Variants in RAPGEF2 observed in about 807,000 individuals in gnomAD.
RAPGEF2 encodes PDZ domain containing guanine nucleotide exchange factor (GEF) 1.
Under a neutral mutation model 186.7 loss-of-function variants are expected in RAPGEF2, and 54 were observed. That is an observed-to-expected ratio of 0.29 (90% CI 0.23 to 0.36). RAPGEF2 has a LOEUF of 0.36. Among genes scored for constraint, RAPGEF2 ranks in the 10% least tolerant of loss-of-function variants. RAPGEF2 has a pLI of 1.00. For synonymous variants in RAPGEF2, 712 were observed against 705.9 expected (o/e 1.01, Z -0.14); for missense variants, 1,532 against 2,045.0 (o/e 0.75, Z 4.84).
intron 26 of RAPGEF2, chr4:159,351,228 C>T (rs1731130664): frequency 6.7e-7 from 1 of 1,486,978 alleles, no homozygotes; most frequent in Non-Finnish European, 9.0e-7. Context: ...GAGGAATCAT[C>T]TCATTAGTTA....
intron 1 of RAPGEF2, among the ~76,000 whole-genome samples, chr4:159,116,317 A>G (rs996905653): frequency 1.3e-5 from 2 of 152,236 alleles, no homozygotes; most frequent in Non-Finnish European, 2.9e-5. Flanking sequence ...ATTGCAGCCA[A>G]CAAACATGGA....
At chr4:159,159,973 A>G (rs1436205256) in intron 1 of RAPGEF2, among the ~76,000 whole-genome samples, 1 of 152,228 alleles carries the variant, frequency 6.6e-6, no homozygotes, top group African/African-American at 2.4e-5. Flanking sequence ...ATTCATCTAT[A>G]TGGAAAAAAA....
intron 9 of RAPGEF2, among the ~76,000 whole-genome samples, chr4:159,319,176 G>A (rs1323969679): frequency 5.3e-5 from 8 of 152,060 alleles, no homozygotes; most frequent in Non-Finnish European, 2.9e-5. Flanking sequence ...CCACCCCTGG[G>A]CCACAGACTG....
At chr4:159,322,592 G>C (rs1276782916) in intron 10 of RAPGEF2, 109 bp downstream of exon 10, 1 of 845,596 alleles carries the variant, frequency 1.2e-6, no homozygotes. Context: ...CCCAACAACA[G>C]TAAGTTTGAA....
chr4:159,253,734 C>T (rs1561153393), intron 7 of RAPGEF2, among the ~76,000 whole-genome samples: 1 of 151,862 alleles, frequency 6.6e-6, no homozygotes, highest in South Asian at 2.1e-4. Context: ...TTTGGGAGGC[C>T]GAGGCGGGCG....
At chr4:159,142,594 A>G (rs1298342708) in intron 1 of RAPGEF2, among the ~76,000 whole-genome samples, 1 of 152,074 alleles carries the variant, frequency 6.6e-6, no homozygotes, top group Admixed American at 6.5e-5. Context: ...ATATATAAAA[A>G]TAAAAATACA....
chr4:159,241,902 GATTT>G (rs1754055408), intron 6 of RAPGEF2, among the ~76,000 whole-genome samples: 1 of 151,960 alleles, frequency 6.6e-6, no homozygotes, highest in Non-Finnish European at 1.5e-5. Flanking sequence ...ATATCTCTGA[GATTT>G]ATTTTTTAAT....
At position 159,350,304 on chromosome 4, in the gene RAPGEF2, CT is replaced by C; in HGVS notation, c.3865+20del. The C allele has an allele frequency of 6.5e-7, 1 of 1,529,900 alleles. No individual in the cohort carries two copies. The highest frequency in any genetic ancestry group is 8.8e-7 in the Non-Finnish European group (1 of 1,139,828). 94.8% of individuals were successfully genotyped at this position (1,529,900 alleles called of 1,614,324 possible). A position where few individuals can be genotyped will look rare whatever the true frequency, so the allele number is the denominator to read the frequency against. The stretch of plus-strand genomic sequence containing the variant: ...TCCAAGGAAAGGTAGAATTAAATTA[CT>C]TTTTGTTTTCTTGTATTGAAACCTA... On this transcript the variant is annotated intron_variant, in intron 26 of 29. Transcript: ENST00000691494.
intron 1 of RAPGEF2, among the ~76,000 whole-genome samples, chr4:159,146,872 CTG>C (rs1438981258): frequency 6.6e-6 from 1 of 152,208 alleles, no homozygotes; most frequent in Non-Finnish European, 1.5e-5. Flanking sequence ...CTCATACTGT[CTG>C]TAATATCTTT....
rs540388203 is a variant in RAPGEF2, at chr4:159,329,802, T to A, written c.1150-56T>A. 9 of 1,443,020 alleles carry A rather than the reference T, an allele frequency of 6.2e-6. No individual in the cohort carries two copies. In the Admixed American group the frequency reaches 7.6e-5, roughly 12 times the overall value. 89.4% of individuals were successfully genotyped at this position (1,443,020 alleles called of 1,614,324 possible). On this transcript the variant is annotated intron_variant, in intron 11 of 29. Transcript: ENST00000691494. ...AATTAAAACACTGAATTATTAGTAC[T>A]GCTAGGTCTTTTGCAAGCACTTTAT...
intron 4 of RAPGEF2, among the ~76,000 whole-genome samples, chr4:159,226,865 A>G (rs970460149): frequency 6.6e-6 from 1 of 152,246 alleles, no homozygotes; most frequent in Non-Finnish European, 1.5e-5. Flanking sequence ...TGGGCTCATG[A>G]GAAAAGTCCA....
intron 1 of RAPGEF2, among the ~76,000 whole-genome samples, chr4:159,109,921 G>C (rs1738309256): frequency 6.6e-6 from 1 of 152,122 alleles, no homozygotes; most frequent in Non-Finnish European, 1.5e-5. Flanking sequence ...GGTTTGTGAG[G>C]GTAGTGAGGA....
At chr4:159,314,502 T>A in intron 8 of RAPGEF2, 89 bp from the exon 9 acceptor site, 2 of 1,183,628 alleles carry the variant, frequency 1.7e-6, no homozygotes, top group South Asian at 3.7e-5. Flanking sequence ...TAACAAGCAT[T>A]ATTTTGAATG....
At chr4:159,221,709 A>C (rs933784228) in intron 4 of RAPGEF2, among the ~76,000 whole-genome samples, 1 of 152,206 alleles carries the variant, frequency 6.6e-6, no homozygotes, top group African/African-American at 2.4e-5. Context: ...TGGCTTAGCC[A>C]CGCTCCTTTA....
At chr4:159,286,595 GTTC>G (rs1295817135) in intron 7 of RAPGEF2, among the ~76,000 whole-genome samples, 2 of 152,162 alleles carry the variant, frequency 1.3e-5, no homozygotes, top group Non-Finnish European at 1.5e-5. Context: ...AGCCCCACTT[GTTC>G]TTCTTACCTC....
At chr4:159,327,658 A>AC (rs1766109517) in intron 11 of RAPGEF2, 2 of 152,042 alleles carry the variant, frequency 1.3e-5, no homozygotes, top group African/African-American at 4.8e-5. Flanking sequence ...TTCTCTCAAA[A>AC]AAAAAAAAAA....
chr4:159,112,052 T>A (rs931376274), intron 1 of RAPGEF2, among the ~76,000 whole-genome samples: 2 of 152,200 alleles, frequency 1.3e-5, no homozygotes, highest in Admixed American at 1.3e-4. Flanking sequence ...ATTTCAAAAA[T>A]GTTATTAATT....
At chr4:159,195,021 T>C (rs1748490380) in intron 3 of RAPGEF2, among the ~76,000 whole-genome samples, 1 of 152,160 alleles carries the variant, frequency 6.6e-6, no homozygotes, top group Admixed American at 6.5e-5. Context: ...TAGAAGAAGA[T>C]ACAGGTAGAT....
At chr4:159,110,066 C>T (rs1029274465) in intron 1 of RAPGEF2, among the ~76,000 whole-genome samples, 16 of 152,144 alleles carry the variant, frequency 1.1e-4, no homozygotes, top group African/African-American at 3.6e-4. Context: ...AATGTGTGCA[C>T]GTTTTATATC....
Sources: gnomAD v4.1 joint callset for allele counts (sites outside exome capture counted in the v4.1 genomes callset) on GRCh38, gnomAD v4.1.1 for gene constraint, MANE v1.5 for transcripts, NCBI Gene and HGNC (gene_info 2026-07-23, HGNC 2026-07-21) for gene names.